Variants in DISC1 observed in about 807,000 individuals in gnomAD.
DISC1 encodes disrupted in schizophrenia 1 protein.
A neutral mutation model predicts 84.5 loss-of-function variants in DISC1; 57 were observed. The ratio of observed to expected loss-of-function variants is 0.67; its 90% CI spans 0.55 to 0.84. The LOEUF is 0.84. Ranked by LOEUF, DISC1 falls within the 40% of genes least tolerant of loss-of-function variation. The pLI is 0.00. For missense variants in DISC1, 1,000 were observed against 1,057.8 expected, an observed-to-expected ratio of 0.95 and a Z score of 0.76; for synonymous variants, 411 against 415.2, an observed-to-expected ratio of 0.99 and a Z score of 0.12.
chr1:231,794,061 G>A (rs940910644), intron 6 of DISC1, among the ~76,000 whole-genome samples: 3 of 152,142 alleles, frequency 2.0e-5, no homozygotes, highest in African/African-American at 4.8e-5. Context: ...TGGAATTACA[G>A]GCGTGAGCCA....
At chr1:231,820,567 T>G (rs2081416801) in intron 9 of DISC1, among the ~76,000 whole-genome samples, 1 of 152,234 alleles carries the variant, frequency 6.6e-6, no homozygotes, top group African/African-American at 2.4e-5. Flanking sequence ...AGGCAACTCA[T>G]GGATGATCAA....
chr1:232,014,739 T>A (rs1215742683), intron 11 of DISC1, among the ~76,000 whole-genome samples: 1 of 152,214 alleles, frequency 6.6e-6, no homozygotes, highest in African/African-American at 2.4e-5. Flanking sequence ...TCATGCATCA[T>A]TAACAGTTTC....
At chr1:231,836,734 C>A (rs979281899) in intron 9 of DISC1, among the ~76,000 whole-genome samples, 5 of 152,218 alleles carry the variant, frequency 3.3e-5, no homozygotes, top group African/African-American at 1.2e-4. Context: ...TACATTCCTT[C>A]CATGCCTAAT....
At chr1:231,913,285 T>G (rs1313721453) in intron 9 of DISC1, among the ~76,000 whole-genome samples, 1 of 152,196 alleles carries the variant, frequency 6.6e-6, no homozygotes, top group Non-Finnish European at 1.5e-5. Context: ...CAAGTTTTAT[T>G]TCTTGATAAG....
chr1:231,921,323 G>C (rs1258876317), intron 9 of DISC1, among the ~76,000 whole-genome samples: 3 of 152,268 alleles, frequency 2.0e-5, no homozygotes, highest in Non-Finnish European at 4.4e-5. Flanking sequence ...ACAGTGAAGA[G>C]CACATGGAAA....
Position 231,631,712 on chromosome 1 carries a change from A to C in DISC1, c.67+4778A>C, listed in dbSNP as rs2058724900. Among the ~76,000 whole-genome samples the C allele has an allele frequency of 1.3e-5, 2 of 151,658 alleles. 1 individual carries two copies. Among genetic ancestry groups the C allele is most frequent in the Admixed American group, 1.3e-4 (2 of 15,246 alleles). On this transcript the variant is annotated intron_variant, in intron 1 of 12. Coordinates refer to ENST00000439617, the MANE Select transcript of DISC1 (RefSeq NM_018662.3). The stretch of plus-strand genomic sequence containing the variant: ...AGCTGCACAATGTATTTGTGTTTTA[A>C]GCTGTGTTTTTATAAAAAAGTCAAA...
intron 9 of DISC1, among the ~76,000 whole-genome samples, chr1:231,891,771 ATAT>A (rs1433646913): frequency 6.6e-6 from 1 of 152,110 alleles, no homozygotes; most frequent in Non-Finnish European, 1.5e-5. Flanking sequence ...TTAAAAAACG[ATAT>A]TATACCCACC....
At chr1:231,790,950 G>A (rs754268867) in intron 6 of DISC1, among the ~76,000 whole-genome samples, 18 of 152,110 alleles carry the variant, frequency 1.2e-4, no homozygotes, top group African/African-American at 4.1e-4. Flanking sequence ...CTGGGGATTC[G>A]GACTCCAACC....
intron 3 of DISC1, among the ~76,000 whole-genome samples, chr1:231,718,889 G>A (rs927127113): frequency 6.6e-6 from 1 of 152,154 alleles, no homozygotes; most frequent in African/African-American, 2.4e-5. Flanking sequence ...CACAATCCTA[G>A]CTTTTTAGAA....
At chr1:231,849,160 G>A (rs1031885229) in intron 9 of DISC1, among the ~76,000 whole-genome samples, 1 of 129,006 alleles carries the variant, frequency 7.8e-6, no homozygotes, top group Non-Finnish European at 1.6e-5. Flanking sequence ...TGCTCTTGTT[G>A]CCTAGGCTGG....
intron 3 of DISC1, among the ~76,000 whole-genome samples, chr1:231,730,745 A>T (rs553265133): frequency 2.0e-5 from 3 of 152,318 alleles, no homozygotes; most frequent in African/African-American, 7.2e-5. Context: ...TCCTAGTTAG[A>T]CTATACCTAA....
At chr1:231,789,683 A>G (rs1490360110) in intron 6 of DISC1, among the ~76,000 whole-genome samples, 1 of 152,112 alleles carries the variant, frequency 6.6e-6, no homozygotes, top group Non-Finnish European at 1.5e-5. Flanking sequence ...TCCTGTATAA[A>G]TGTCTCATTC....
At chr1:231,992,972 G>A (rs1425950722) in intron 10 of DISC1, among the ~76,000 whole-genome samples, 1 of 152,140 alleles carries the variant, frequency 6.6e-6, no homozygotes, top group African/African-American at 2.4e-5. Flanking sequence ...GAGGGCGTCT[G>A]TAGACAAAAC....
chr1:231,945,900 G>A (rs972810859), intron 9 of DISC1, among the ~76,000 whole-genome samples: 4 of 152,006 alleles, frequency 2.6e-5, no homozygotes, highest in Non-Finnish European at 5.9e-5. Context: ...ATACCCTCCC[G>A]TCTAAACCAG....
intron 9 of DISC1, among the ~76,000 whole-genome samples, chr1:231,929,485 T>G (rs937821013): frequency 1.3e-5 from 2 of 152,248 alleles, no homozygotes; most frequent in African/African-American, 4.8e-5. Context: ...AGTCTGCCGC[T>G]GTGCTGTTAT....
chr1:231,679,134 G>A (rs2063456506), intron 1 of DISC1, among the ~76,000 whole-genome samples: 1 of 152,218 alleles, frequency 6.6e-6, no homozygotes, highest in African/African-American at 2.4e-5. Context: ...GTGCCTGTTG[G>A]GGGATTCCCC....
chr1:231,642,914 T>TG (rs1304876867), intron 1 of DISC1, among the ~76,000 whole-genome samples: 1 of 152,174 alleles, frequency 6.6e-6, no homozygotes, highest in East Asian at 1.9e-4. Context: ...ATAGTCACAG[T>TG]GAAAATCTAT....
chr1:231,980,550 T>G (rs1309255330), intron 10 of DISC1, among the ~76,000 whole-genome samples: 1 of 152,218 alleles, frequency 6.6e-6, no homozygotes, highest in Non-Finnish European at 1.5e-5. Context: ...TTCAGCCAGA[T>G]GGTTTGCCAA....
chr1:231,871,082 T>A (rs1186396736), intron 9 of DISC1, among the ~76,000 whole-genome samples: 1 of 152,170 alleles, frequency 6.6e-6, no homozygotes, highest in Admixed American at 6.5e-5. Context: ...TGTGCGGGTC[T>A]CCACTTCTCA....
Sources: allele counts gnomAD v4.1 joint callset (sites outside exome capture counted in the v4.1 genomes callset), GRCh38; gene constraint gnomAD v4.1.1; transcripts MANE v1.5; gene names NCBI Gene and HGNC (gene_info 2026-07-23, HGNC 2026-07-21).